The following FHIT variants were observed in gnomAD, a reference collection of about 807,000 sequenced individuals.
FHIT encodes the protein bis(5'-adenosyl)-triphosphatase.
FHIT carries 19 observed loss-of-function variants against 17.9 expected under a neutral mutation model. The observed-to-expected ratio is 1.06, with a 90% CI of 0.74 to 1.56. FHIT has a LOEUF of 1.56. Among genes scored for constraint, FHIT ranks in the 40% most tolerant of loss-of-function variants. The pLI is 0.00. For synonymous variants in FHIT, 81 were observed against 69.7 expected, an observed-to-expected ratio of 1.16 and a Z score of -0.81; for missense variants, 248 against 189.2, an observed-to-expected ratio of 1.31 and a Z score of -1.82.
rs907765998 is a variant in FHIT, at chr3:60,744,917, T to G, written c.-18+77002A>C. ...AGCATTGTGCTGAGTGACGGGGATA[T>G]CAAGGTGAGTCAAAACAACCATAGT... On this transcript the variant is annotated intron_variant, in intron 4 of 9. Coordinates refer to ENST00000492590, the MANE Select transcript of FHIT (RefSeq NM_002012.4). Among the ~76,000 whole-genome samples the G allele has an allele frequency of 5.9e-5, 9 of 152,240 alleles. 1 individual carries two copies. Among genetic ancestry groups the G allele is most frequent in the Admixed American group, 3.9e-4 (6 of 15,298 alleles).
intron 1 of FHIT, among the ~76,000 whole-genome samples, chr3:61,239,726 C>A (rs1331418043): frequency 2.6e-5 from 3 of 114,096 alleles, no homozygotes; most frequent in Non-Finnish European, 5.0e-5. Context: ...GTCCATTTTA[C>A]AAAGAGAAAT....
intron 3 of FHIT, among the ~76,000 whole-genome samples, chr3:60,991,178 C>T (rs1454555374): frequency 6.6e-6 from 1 of 152,104 alleles, no homozygotes; most frequent in Non-Finnish European, 1.5e-5. Context: ...AGGAATCAGC[C>T]ATAAAAAGAT....
chr3:60,956,950 G>A (rs1278528281), intron 3 of FHIT, among the ~76,000 whole-genome samples: 1 of 152,090 alleles, frequency 6.6e-6, no homozygotes, highest in African/African-American at 2.4e-5. Flanking sequence ...TTAGATACCA[G>A]CCCTTTGGGT....
intron 3 of FHIT, among the ~76,000 whole-genome samples, chr3:60,885,422 G>C (rs559381751): frequency 3.5e-4 from 53 of 152,196 alleles, no homozygotes; most frequent in African/African-American, 1.2e-3. Context: ...AAACCCTTCT[G>C]CATACAAAAA....
intron 8 of FHIT, among the ~76,000 whole-genome samples, chr3:59,914,313 T>C (rs1180205957): frequency 3.3e-5 from 5 of 152,128 alleles, no homozygotes. Flanking sequence ...ACATTAATGG[T>C]AGACGTCACC....
At chr3:59,813,078 T>TCATTA (rs1559628261) in intron 8 of FHIT, among the ~76,000 whole-genome samples, 1 of 152,242 alleles carries the variant, frequency 6.6e-6, no homozygotes, top group Non-Finnish European at 1.5e-5. Context: ...AATGGTAATG[T>TCATTA]CATTACTCCT....
intron 2 of FHIT, among the ~76,000 whole-genome samples, chr3:61,155,096 C>T (rs996384812): frequency 6.6e-6 from 1 of 152,194 alleles, no homozygotes; most frequent in Non-Finnish European, 1.5e-5. Context: ...CTCATGCCTC[C>T]CCAAGGCAGC....
chr3:60,601,958 C>T (rs2038458066), intron 4 of FHIT, among the ~76,000 whole-genome samples: 1 of 152,036 alleles, frequency 6.6e-6, no homozygotes, highest in South Asian at 2.1e-4. Context: ...AACTAAATTA[C>T]CATGATGGAG....
chr3:60,806,626 C>T (rs1310161387), intron 4 of FHIT, among the ~76,000 whole-genome samples: 1 of 152,188 alleles, frequency 6.6e-6, no homozygotes, highest in Non-Finnish European at 1.5e-5. Flanking sequence ...TCTTAAGATA[C>T]TTAACACTTT....
intron 5 of FHIT, among the ~76,000 whole-genome samples, chr3:60,151,298 A>C (rs1576207714): frequency 6.6e-6 from 1 of 152,132 alleles, no homozygotes; most frequent in African/African-American, 2.4e-5. Context: ...TACATTCCTG[A>C]ATATAATATG....
At chr3:59,886,640 C>A (rs1445431953) in intron 8 of FHIT, among the ~76,000 whole-genome samples, 1 of 152,092 alleles carries the variant, frequency 6.6e-6, no homozygotes, top group East Asian at 1.9e-4. Context: ...TGGGAACTAA[C>A]AGAGTAGGGA....
chr3:60,620,280 CA>C (rs1259236573), intron 4 of FHIT, among the ~76,000 whole-genome samples: 3 of 152,138 alleles, frequency 2.0e-5, no homozygotes, highest in Admixed American at 2.0e-4. Context: ...TACAATCCAG[CA>C]ATTATAATCC....
At chr3:60,156,608 C>T (rs1042744284) in intron 5 of FHIT, among the ~76,000 whole-genome samples, 4 of 151,382 alleles carry the variant, frequency 2.6e-5, no homozygotes, top group Admixed American at 6.6e-5. Context: ...TTAAATTAGC[C>T]GGCCATAATG....
At chr3:60,357,709 T>C (rs1576530896) in intron 5 of FHIT, among the ~76,000 whole-genome samples, 2 of 152,324 alleles carry the variant, frequency 1.3e-5, no homozygotes, top group South Asian at 4.2e-4. Context: ...TTATTCTCTG[T>C]AGTATATACT....
At chr3:59,814,321 G>A (rs1029641454) in intron 8 of FHIT, among the ~76,000 whole-genome samples, 1 of 152,224 alleles carries the variant, frequency 6.6e-6, no homozygotes, top group African/African-American at 2.4e-5. Context: ...ACAGTTTGGT[G>A]TTGGCCACCA....
chr3:59,785,836 T>C lies in FHIT; in HGVS notation c.349-33515A>G, dbSNP rs114689222. Among the ~76,000 whole-genome samples the C allele has an allele frequency of 2.4e-3, 360 of 152,296 alleles. 1 individual carries two copies. The highest frequency in any genetic ancestry group is 7.9e-3 in the African/African-American group (327 of 41,576). ...GTGGAGTGGGCAGGAGTAGGAGACA[T>C]TGGATTGTTCCTTGTAATCTCTCAT... On this transcript the variant is annotated intron_variant, in intron 8 of 9. Coordinates refer to ENST00000492590, the MANE Select transcript of FHIT (RefSeq NM_002012.4).
intron 5 of FHIT, among the ~76,000 whole-genome samples, chr3:60,317,803 T>A (rs933503235): frequency 2.3e-5 from 3 of 131,902 alleles, no homozygotes; most frequent in African/African-American, 9.3e-5. Context: ...TTTTTTTTTT[T>A]ATTTTGAGAC....
intron 5 of FHIT, among the ~76,000 whole-genome samples, chr3:60,273,141 A>G (rs1401280652): frequency 6.6e-6 from 1 of 152,216 alleles, no homozygotes; most frequent in Non-Finnish European, 1.5e-5. Context: ...TTAGACAGGA[A>G]ATTTTATCAC....
intron 5 of FHIT, among the ~76,000 whole-genome samples, chr3:60,260,395 T>G (rs1193264495): frequency 6.6e-6 from 1 of 150,744 alleles, no homozygotes; most frequent in Non-Finnish European, 1.5e-5. Flanking sequence ...AGAAACAAAG[T>G]GTAAAATACA....
Sources: gnomAD v4.1 joint callset for allele counts (sites outside exome capture counted in the v4.1 genomes callset) on GRCh38, gnomAD v4.1.1 for gene constraint, MANE v1.5 for transcripts, NCBI Gene and HGNC (gene_info 2026-07-23, HGNC 2026-07-21) for gene names.